The following GMCL1 variants were observed in gnomAD, a reference collection of about 807,000 sequenced individuals.
The protein encoded by GMCL1 is germ cell-less protein-like 1.
GMCL1 carries 54 observed loss-of-function variants against 75.5 expected under a neutral mutation model. That is an observed-to-expected ratio of 0.71 (90% CI 0.57 to 0.90). GMCL1 has a LOEUF of 0.90. GMCL1 is among the 40% of genes least tolerant of loss of function. The pLI, the probability that GMCL1 is intolerant of heterozygous loss-of-function variation, is 0.00. For synonymous variants in GMCL1, 210 were observed against 209.6 expected (o/e 1.00, Z -0.02); for missense variants, 537 against 622.7 (o/e 0.86, Z 1.47).
rs114890207 is a variant in GMCL1, at chr2:69,834,770, T to C, written c.261-2777T>C. Among the ~76,000 whole-genome samples, 759 of 152,296 alleles carry C rather than the reference T, an allele frequency of 5.0e-3. 10 individuals are homozygous for C. The highest frequency in any genetic ancestry group is 0.018 in the African/African-American group (730 of 41,562). ...TATACTACCTTAGTTTTGGGAAATT[T>C]TTTTCCATTAATTTCTTCCATAATT... On this transcript the variant is annotated intron_variant, in intron 1 of 13. Transcript: ENST00000282570.
intron 1 of GMCL1, among the ~76,000 whole-genome samples, chr2:69,831,101 G>A (rs1674658974): frequency 6.6e-6 from 1 of 152,044 alleles, no homozygotes. Context: ...TCTGTTTTTA[G>A]TAGAGACAGG....
At chr2:69,857,845 T>G (rs921711) in intron 9 of GMCL1, among the ~76,000 whole-genome samples, 44,599 of 152,074 alleles carry the variant, frequency 0.29, 7,634 homozygotes, top group African/African-American at 0.45. Flanking sequence ...GGATTCATGT[T>G]AGTGTATGTA....
At chr2:69,865,236 AATTAAG>A (rs1558549152) in intron 11 of GMCL1, among the ~76,000 whole-genome samples, 1 of 152,220 alleles carries the variant, frequency 6.6e-6, no homozygotes, top group Non-Finnish European at 1.5e-5. Flanking sequence ...GCAATCCAGA[AATTAAG>A]ATAAAGAAGA....
At chr2:69,838,101 G>C (rs1231674929) in intron 2 of GMCL1, among the ~76,000 whole-genome samples, 15 of 151,946 alleles carry the variant, frequency 9.9e-5, no homozygotes, top group African/African-American at 3.1e-4. Flanking sequence ...TGCAGGTAAA[G>C]ACAACACCAA....
intron 1 of GMCL1, among the ~76,000 whole-genome samples, chr2:69,832,700 G>A (rs1402039359): frequency 6.6e-6 from 1 of 152,088 alleles, no homozygotes; most frequent in Non-Finnish European, 1.5e-5. Context: ...TTGTCCAACA[G>A]GACAATCTAA....
intron 1 of GMCL1, among the ~76,000 whole-genome samples, chr2:69,833,067 G>C (rs967443289): frequency 7.2e-5 from 11 of 152,174 alleles, no homozygotes; most frequent in African/African-American, 2.4e-4. Flanking sequence ...GTAAGCTGAG[G>C]CTGGCAAGTA....
intron 9 of GMCL1, 99 bp from the exon 10 acceptor site, chr2:69,861,179 G>A: frequency 4.6e-6 from 4 of 862,524 alleles, no homozygotes; most frequent in Non-Finnish European, 7.1e-6. Flanking sequence ...TTTTAAACTT[G>A]TATTTAGAAA....
intron 13 of GMCL1, among the ~76,000 whole-genome samples, chr2:69,878,316 G>A (rs1676182281): frequency 6.6e-6 from 1 of 152,144 alleles, no homozygotes; most frequent in Admixed American, 6.5e-5. Context: ...TGGGTGATTT[G>A]CTGTACCCAA....
intron 9 of GMCL1, among the ~76,000 whole-genome samples, chr2:69,858,882 T>C (rs1487042846): frequency 6.6e-6 from 1 of 152,190 alleles, no homozygotes; most frequent in East Asian, 1.9e-4. Flanking sequence ...GTGTGGTGGC[T>C]CACGCCTGTA....
At chr2:69,860,452 A>G (rs753220121) in intron 9 of GMCL1, among the ~76,000 whole-genome samples, 3 of 152,076 alleles carry the variant, frequency 2.0e-5, no homozygotes, top group Non-Finnish European at 4.4e-5. Flanking sequence ...TGTTATCTAA[A>G]TCTAATATTC....
chr2:69,864,590 C>CTT (rs534389389), intron 10 of GMCL1, among the ~76,000 whole-genome samples: 15,859 of 87,440 alleles, frequency 0.18, 1,214 homozygotes, highest in East Asian at 0.32. Context: ...TAGACTTTTA[C>CTT]TTTTTTTTTT....
At chr2:69,855,464 A>G (rs1368200743) in intron 9 of GMCL1, among the ~76,000 whole-genome samples, 2 of 152,016 alleles carry the variant, frequency 1.3e-5, no homozygotes, top group African/African-American at 4.8e-5. Context: ...GAATAATTCT[A>G]TTTAGTACTA....
chr2:69,875,078 C>G (rs1002415134), intron 13 of GMCL1, among the ~76,000 whole-genome samples: 1 of 152,138 alleles, frequency 6.6e-6, no homozygotes, highest in Non-Finnish European at 1.5e-5. Flanking sequence ...TCTTTTCAAC[C>G]TTCAAAACAA....
In GMCL1 at chr2:69,864,895, T is replaced by C. The variant is rs1472310257; in HGVS notation, c.1143-5T>C. The C allele has an allele frequency of 6.3e-7, 1 of 1,594,512 alleles. No individual in the cohort carries two copies. Among genetic ancestry groups the C allele is most frequent in the African/African-American group, 1.3e-5 (1 of 74,624 alleles). On this transcript the variant is annotated splice_region_variant and splice_polypyrimidine_tract_variant and intron_variant, in intron 10 of 13. Coordinates refer to ENST00000282570, the MANE Select transcript of GMCL1 (RefSeq NM_178439.5). ...TGAACGTTCATATTTTATGTATATT[T>C]TTAGGCCTCAAGAAATCAATAAAGA... is the stretch of plus-strand genomic sequence containing the variant.
intron 2 of GMCL1, 152 bp downstream of exon 2, chr2:69,837,822 G>A: frequency 2.2e-6 from 2 of 905,552 alleles, no homozygotes; most frequent in Non-Finnish European, 3.2e-6. Flanking sequence ...GGCAAACATT[G>A]TTAGTGAAAA....
chr2:69,832,335 GAACA>G (rs1674698162), intron 1 of GMCL1, among the ~76,000 whole-genome samples: 2 of 152,102 alleles, frequency 1.3e-5, no homozygotes, highest in African/African-American at 4.8e-5. Context: ...ACAAATATGA[GAACA>G]AACAAATGCA....
chr2:69,874,890 C>T (rs1344705846), intron 13 of GMCL1, among the ~76,000 whole-genome samples: 2 of 151,884 alleles, frequency 1.3e-5, no homozygotes, highest in African/African-American at 4.8e-5. Flanking sequence ...TACAGGCTCG[C>T]ACCACCATGC....
rs114109413 is a variant in GMCL1, at chr2:69,874,595, T to C, written c.1452+2763T>C. On this transcript the variant is annotated intron_variant, in intron 13 of 13. Transcript: ENST00000282570. Reference sequence around the variant, plus strand: ...CTTTGGTTACTGTATTGTTGGGTTTTTTTATGCTTATTGAACGTATCATCT... The same window carrying C: ...CTTTGGTTACTGTATTGTTGGGTTTCTTTATGCTTATTGAACGTATCATCT... 6.1e-3 allele frequency among the ~76,000 whole-genome samples: 927 copies of C among 152,136 alleles called. 21 individuals carry two copies. The highest frequency in any genetic ancestry group is 4.5e-3 in the Non-Finnish European group (306 of 67,984).
At chr2:69,837,821 T>C (rs979539761) in intron 2 of GMCL1, 151 bp downstream of exon 2, 3 of 917,044 alleles carry the variant, frequency 3.3e-6, no homozygotes, top group Non-Finnish European at 3.1e-6. Flanking sequence ...TGGCAAACAT[T>C]GTTAGTGAAA....
Sources: gnomAD v4.1 joint callset for allele counts (sites outside exome capture counted in the v4.1 genomes callset) on GRCh38, gnomAD v4.1.1 for gene constraint, MANE v1.5 for transcripts, NCBI Gene and HGNC (gene_info 2026-07-23, HGNC 2026-07-21) for gene names.